Variants in WIZ observed in about 807,000 individuals in gnomAD.
WIZ encodes the protein protein Wiz.
WIZ carries 25 observed loss-of-function variants against 140.2 expected under a neutral mutation model. That is an observed-to-expected ratio of 0.18 (90% CI 0.13 to 0.25). The LOEUF (loss-of-function observed/expected upper bound fraction) is 0.25, where lower values mean the gene tolerates loss of function less well. WIZ is among the 10% of genes least tolerant of loss of function. The probability of loss-of-function intolerance (pLI) is 1.00; values close to 1 mark genes in which losing one functional copy is unlikely to be tolerated. For synonymous variants in WIZ, 1,125 were observed against 1,154.3 expected (o/e 0.97, Z 0.51); for missense variants, 2,231 against 2,632.6 (o/e 0.85, Z 3.34).
intron 4 of WIZ, among the ~76,000 whole-genome samples, chr19:15,438,285 A>G (rs1599697123): frequency 6.6e-6 from 1 of 152,246 alleles, no homozygotes; most frequent in East Asian, 1.9e-4. Context: ...CCAGGTCCCC[A>G]GAACAGAGGG....
Position 15,448,184 on chromosome 19 carries a change from C to A in WIZ, c.124G>T (p.Gly42Cys). ...AGGTAACGGGTGGACCGGAAGATGC[C>A]ACCTTCCCCCTCAGCAGCTTCGGCC... ...GGAEAAEGEG[G>C]IFRSTRYLPV... The change falls in exon 2 of 13, where the codon GGC becomes TGC. Residue 42 changes from glycine (G) to cysteine (C), a missense_variant. By Grantham distance (159) the Gly-to-Cys change is radical. Around this residue, in one of 15 missense-constraint regions of WIZ, gnomAD observed 85 missense variants for 90.9 expected, o/e 0.94. Coordinates refer to ENST00000673675, the MANE Select transcript of WIZ (RefSeq NM_001371589.1). 1 of 1,612,978 alleles carries A rather than the reference C, an allele frequency of 6.2e-7. No individual in the cohort carries two copies. The highest frequency in any genetic ancestry group is 8.5e-7 in the Non-Finnish European group (1 of 1,179,242).
At chr19:15,430,417 C>T (rs927299865) in intron 6 of WIZ, among the ~76,000 whole-genome samples, 13 of 152,184 alleles carry the variant, frequency 8.5e-5, no homozygotes, top group South Asian at 2.1e-4. Flanking sequence ...TTCACACAAA[C>T]GCTGACCTGA....
In WIZ at chr19:15,422,938, CG is replaced by C; in HGVS notation, c.*137del. The C allele has an allele frequency of 2.2e-6, 3 of 1,339,116 alleles. 1 individual carries two copies. Among genetic ancestry groups the C allele is most frequent in the Non-Finnish European group, 3.0e-6 (3 of 1,008,334 alleles). The allele number at this position is 1,339,116 out of a possible 1,614,324, so 83.0% of individuals were successfully genotyped here. ...CCCGGCGCCCTGGCTGTAGTGTGCC[CG>C]GCCCCCAAGGGGCGCCGGTTTGAGG... On this transcript the variant is annotated 3_prime_UTR_variant, in exon 13 of 13. Coordinates refer to ENST00000673675, the MANE Select transcript of WIZ (RefSeq NM_001371589.1).
chr19:15,429,878 G>A lies in WIZ; in HGVS notation c.3123C>T (p.Ser1041=). ...GLPPGLAKKS[S]SLKEVVAGAP... ...CCCCGGCGACCACCTCCTTCAGTGA[G>A]CTGGACTTCTTAGCCAGGCCTGGGG... The change falls in exon 7 of 13, where the codon AGC becomes AGT. Residue 1041 remains serine, a synonymous_variant. Transcript: ENST00000673675. 6.5e-7 allele frequency: 1 copy of A among 1,535,444 alleles called. No homozygotes were observed. The highest frequency in any genetic ancestry group is 8.7e-7 in the Non-Finnish European group (1 of 1,146,518).
Position 15,439,505 on chromosome 19 carries a change from C to G in WIZ, c.1489G>C (p.Glu497Gln). The G allele has an allele frequency of 1.3e-6, 2 of 1,534,612 alleles. No homozygotes were observed. The highest frequency in any genetic ancestry group is 1.4e-5 in the African/African-American group (1 of 73,130). ...CTGGCAGGGTCTTCCTCATAAGCCTCGCCATCCTCCTCCCAGTGGGGATGG... is the reference window on the plus strand; with the variant it reads ...CTGGCAGGGTCTTCCTCATAAGCCTGGCCATCCTCCTCCCAGTGGGGATGG... ...HAHPHWEEDG[E>Q]AYEEDPASQP... The change falls in exon 4 of 13, where the codon GAG becomes CAG. Residue 497 changes from glutamate to glutamine, a missense_variant. Around this residue, in one of 15 missense-constraint regions of WIZ, gnomAD observed 475 missense variants for 520.2 expected, o/e 0.91. Transcript: ENST00000673675. This position sits in a 1 kb window ranked among gnomAD's most constrained non-coding sequence, Gnocchi z 7.0.
chr19:15,427,262 T>C lies in WIZ; in HGVS notation c.4086A>G (p.Glu1362=), dbSNP rs1968894140. The change falls in exon 9 of 13, where the codon GAA becomes GAG. Residue 1362 remains glutamate (E), a synonymous_variant. Coordinates refer to ENST00000673675, the MANE Select transcript of WIZ (RefSeq NM_001371589.1). The surrounding 1 kb of genome is among the most constrained non-coding windows in gnomAD (Gnocchi z 6.4). ...MGGAGPGSSL[E]ARSPSDLHIS... Reference sequence around the variant, plus strand: ...TGTGAAGGTCCGAGGGGCTGCGGGCTTCCAGTGAGCTGCCAGGACCTGCGC... The same window carrying C: ...TGTGAAGGTCCGAGGGGCTGCGGGCCTCCAGTGAGCTGCCAGGACCTGCGC... 6.2e-7 allele frequency: 1 copy of C among 1,613,788 alleles called. No individual in the cohort carries two copies. The highest frequency in any genetic ancestry group is 8.5e-7 in the Non-Finnish European group (1 of 1,180,010).
Position 15,442,792 on chromosome 19 carries a change from G to A in WIZ, c.206-44C>T. The A allele has an allele frequency of 8.4e-7, 1 of 1,186,738 alleles. No individual in the cohort carries two copies. The highest frequency in any genetic ancestry group is 1.1e-6 in the Non-Finnish European group (1 of 946,630). The allele number at this position is 1,186,738 out of a possible 1,614,324, so 73.5% of individuals were successfully genotyped here. On this transcript the variant is annotated intron_variant, in intron 2 of 12. Transcript: ENST00000673675. The surrounding 1 kb of genome is among the most constrained non-coding windows in gnomAD (Gnocchi z 5.5). ...ACCCTGAGGGGCTGGGGTCCCCCTG[G>A]CCGGGGCCCTCCACACCCCAGCTCC...
At chr19:15,447,661 G>T (rs1206667401) in intron 2 of WIZ, among the ~76,000 whole-genome samples, 1 of 152,190 alleles carries the variant, frequency 6.6e-6, no homozygotes, top group South Asian at 2.1e-4. Context: ...TGACTACCCA[G>T]CCTCTCCCTA....
Position 15,424,301 on chromosome 19 carries a change from T to C in WIZ, c.5392A>G (p.Lys1798Glu), listed in dbSNP as rs1303191563. 6.3e-7 allele frequency: 1 copy of C among 1,596,992 alleles called. No homozygotes were observed. The highest frequency in any genetic ancestry group is 8.5e-7 in the Non-Finnish European group (1 of 1,174,128). ...GGEDTNDLQQ[K>E]LEEVRQPPPR... ...GGGGGTTGCCGCACCTCCTCCAGCT[T>C]CTGCTGTAGGTCATTGGTGTCCTCG... The change falls in exon 12 of 13, where the codon AAG becomes GAG. Residue 1798 changes from lysine (K) to glutamate (E), a missense_variant. Physicochemically the swap from Lys to Glu is moderately conservative, Grantham distance 56 (BLOSUM62 1). Coordinates refer to ENST00000673675, the MANE Select transcript of WIZ (RefSeq NM_001371589.1). The surrounding 1 kb of genome is among the most constrained non-coding windows in gnomAD (Gnocchi z 9.7).
intron 6 of WIZ, among the ~76,000 whole-genome samples, 178 bp downstream of exon 6, chr19:15,430,834 C>T (rs909307357): frequency 1.3e-5 from 2 of 152,210 alleles, no homozygotes; most frequent in Non-Finnish European, 2.9e-5. Context: ...CCACGCATGC[C>T]CAGGACAGTA....
In WIZ at chr19:15,424,917, G is replaced by A. The variant is rs766774328; in HGVS notation, c.5010C>T (p.Gly1670=). The A allele has an allele frequency of 9.3e-6, 15 of 1,610,892 alleles. No individual in the cohort carries two copies. Among genetic ancestry groups the A allele is most frequent in the Non-Finnish European group, 1.3e-5 (15 of 1,179,308 alleles). ...ACTCGCTCAGTGTCTCGATGGGCGAGCCATTGACGCACCACTCGGTCACGC... is the reference window on the plus strand; with the variant it reads ...ACTCGCTCAGTGTCTCGATGGGCGAACCATTGACGCACCACTCGGTCACGC... ...QFGVTEWCVN[G]SPIETLSEWI... is the part of the protein sequence containing the mutation. The change falls in exon 11 of 13, where the codon GGC becomes GGT. Residue 1670 remains glycine, a synonymous_variant. Coordinates refer to ENST00000673675, the MANE Select transcript of WIZ (RefSeq NM_001371589.1). This position sits in a 1 kb window ranked among gnomAD's most constrained non-coding sequence, Gnocchi z 9.7.
rs1205960571 is a variant in WIZ, at chr19:15,420,652, CAG to C, written c.*2422_*2423del. ...GGCTTGAGCAGAGAAGAGCAATGCTCAGAAAGTTTTAGGAAAACATCCCCCTG... is the reference window on the plus strand; with the variant it reads ...GGCTTGAGCAGAGAAGAGCAATGCTCAAAGTTTTAGGAAAACATCCCCCTG... On this transcript the variant is annotated 3_prime_UTR_variant, in exon 13 of 13. Coordinates refer to ENST00000673675, the MANE Select transcript of WIZ (RefSeq NM_001371589.1). 2.6e-5 allele frequency: 4 copies of C among 152,218 alleles called. No homozygotes were observed. Among genetic ancestry groups the C allele is most frequent in the Non-Finnish European group, 5.9e-5 (4 of 68,050 alleles). The allele number at this position is 152,218 out of a possible 1,614,324, so 9.4% of individuals were successfully genotyped here.
rs1240144450 is a variant in WIZ at position 15,428,056 on chromosome 19, G to C, written c.3814+54C>G. On this transcript the variant is annotated intron_variant, in intron 8 of 12. Transcript: ENST00000673675. This position sits in a 1 kb window ranked among gnomAD's most constrained non-coding sequence, Gnocchi z 6.4. ...GGGAGGGGGCTGTGACCCCCCCCCC[G>C]GGAGGGGCTCCAGGGCCCGCAGTGA... 1.2e-5 allele frequency: 18 copies of C among 1,506,952 alleles called. No individual in the cohort carries two copies. The highest frequency in any genetic ancestry group is 5.0e-5 in the South Asian group (4 of 79,352). The allele number at this position is 1,506,952 out of a possible 1,614,324, so 93.3% of individuals were successfully genotyped here.
chr19:15,435,556 C>T (rs548249394), intron 5 of WIZ, among the ~76,000 whole-genome samples: 10 of 152,328 alleles, frequency 6.6e-5, no homozygotes, highest in South Asian at 6.2e-4. Context: ...GACTCTAGGC[C>T]GGGTGCAGTG....
chr19:15,449,699 C>A (rs1389952596), intron 1 of WIZ, 99 bp downstream of exon 1: 1 of 146,572 alleles, frequency 6.8e-6, no homozygotes, highest in Non-Finnish European at 1.5e-5. Context: ...CCGCCCCCGC[C>A]CCGGGGGGTC....
chr19:15,430,487 A>C (rs1269923556), intron 6 of WIZ, among the ~76,000 whole-genome samples: 1 of 152,128 alleles, frequency 6.6e-6, no homozygotes, highest in Non-Finnish European at 1.5e-5. Flanking sequence ...CTCCTGCCCG[A>C]AACACTGGTC....
chr19:15,435,268 C>T (rs1056843700), intron 5 of WIZ, among the ~76,000 whole-genome samples: 5 of 151,676 alleles, frequency 3.3e-5, no homozygotes, highest in Non-Finnish European at 7.4e-5. Context: ...CTTAGTTGTA[C>T]AGACTTACAT....
At chr19:15,448,558 C>G (rs1244518886) in intron 1 of WIZ, among the ~76,000 whole-genome samples, 191 bp from the exon 2 acceptor site, 2 of 152,046 alleles carry the variant, frequency 1.3e-5, no homozygotes, top group Non-Finnish European at 2.9e-5. Flanking sequence ...CCTCAGCATG[C>G]CTCCGTCTCC....
In WIZ at chr19:15,427,408, C is replaced by G; in HGVS notation, c.3940G>C (p.Val1314Leu). Residue 1314 changes from valine (V) to leucine (L), a missense_variant, in exon 9 of 13, where the codon GTC (valine) becomes CTC (leucine). By Grantham distance (32) the Val-to-Leu change is conservative. Transcript: ENST00000673675. The surrounding 1 kb of genome is among the most constrained non-coding windows in gnomAD (Gnocchi z 6.4). ...LRQMGVTEWYVNGSPIDTLRE... is the reference protein window; with the variant it reads ...LRQMGVTEWYLNGSPIDTLRE... ...AGCGTGTCGATGGGCGAGCCATTGA[C>G]GTACCACTCGGTCACGCCCATTTGC... 6.2e-7 allele frequency: 1 copy of G among 1,613,742 alleles called. No individual in the cohort carries two copies. The highest frequency in any genetic ancestry group is 8.5e-7 in the Non-Finnish European group (1 of 1,180,014).
Sources: gnomAD v4.1 joint callset for allele counts (sites outside exome capture counted in the v4.1 genomes callset) on GRCh38, gnomAD v4.1.1 for gene constraint, gnomAD v4.1.1 regional missense constraint, Gnocchi (gnomAD v3.1) non-coding constraint, MANE v1.5 for transcripts, NCBI Gene and HGNC (gene_info 2026-07-23, HGNC 2026-07-21) for gene names.